PTPRN2: variants seen among roughly 807,000 people sequenced by gnomAD.
The protein encoded by PTPRN2 is receptor-type tyrosine-protein phosphatase N2.
In PTPRN2, 74 loss-of-function variants were observed where a neutral mutation model predicts 118.8. The ratio of observed to expected loss-of-function variants is 0.62; its 90% CI spans 0.52 to 0.76. The LOEUF (loss-of-function observed/expected upper bound fraction) is 0.76. PTPRN2 is among the 30% of genes least tolerant of loss of function. The pLI is 0.00. For synonymous variants in PTPRN2, 641 were observed against 608.0 expected (o/e 1.05, Z -0.80); for missense variants, 1,481 against 1,394.4 (o/e 1.06, Z -0.99).
chr7:157,765,853 T>TCATCCATC (rs142646247), intron 12 of PTPRN2, among the ~76,000 whole-genome samples: 32 of 128,984 alleles, frequency 2.5e-4, no homozygotes, highest in East Asian at 1.1e-3. Context: ...ACTCATCCAC[T>TCATCCATC]CATCCATCCA....
At chr7:158,165,903 G>A (rs957799294) in intron 6 of PTPRN2, among the ~76,000 whole-genome samples, 2 of 152,108 alleles carry the variant, frequency 1.3e-5, no homozygotes, top group Admixed American at 6.5e-5. Flanking sequence ...CAGTCACCTC[G>A]AGGCCGACAC....
chr7:158,361,633 C>G (rs1483826404), intron 2 of PTPRN2, among the ~76,000 whole-genome samples: 1 of 152,246 alleles, frequency 6.6e-6, no homozygotes, highest in Non-Finnish European at 1.5e-5. Flanking sequence ...GGAGCCAGCC[C>G]TGCCCTCAGG....
chr7:158,445,825 G>A (rs1817685421), intron 2 of PTPRN2, among the ~76,000 whole-genome samples: 1 of 152,254 alleles, frequency 6.6e-6, no homozygotes, highest in Non-Finnish European at 1.5e-5. Context: ...CCACAGAGCA[G>A]CAGACGCATC....
At chr7:157,679,389 T>A (rs1219190643) in intron 13 of PTPRN2, among the ~76,000 whole-genome samples, 1 of 152,166 alleles carries the variant, frequency 6.6e-6, no homozygotes, top group African/African-American at 2.4e-5. Context: ...GGCTGGATTA[T>A]CTGATGGGGT....
At chr7:158,308,038 C>T (rs1801424073) in intron 3 of PTPRN2, among the ~76,000 whole-genome samples, 1 of 152,194 alleles carries the variant, frequency 6.6e-6, no homozygotes, top group Admixed American at 6.5e-5. Context: ...CCTTGAACTT[C>T]TCAGCCCAGA....
At position 157,682,905 on chromosome 7, in the gene PTPRN2, C is replaced by G. The variant is rs374727856; in HGVS notation, c.1821G>C (p.Ala607=). The part of the protein sequence containing the change: ...KSKLKFLPPQ[A]EQEDSTKFIA... ...TGAACTTGGTGGAGTCTTCTTGCTC[C>G]GCCTGAGGAGGCAGGAACTTGAGTT... The change falls in exon 13 of 23, where the codon GCG becomes GCC. Residue 607 remains alanine (A), a synonymous_variant. Coordinates refer to ENST00000389418, the MANE Select transcript of PTPRN2 (RefSeq NM_002847.5). The G allele has an allele frequency of 3.1e-6, 5 of 1,613,870 alleles. No individual in the cohort carries two copies. Among genetic ancestry groups the G allele is most frequent in the Non-Finnish European group, 4.2e-6 (5 of 1,179,898 alleles).
chr7:157,616,824 A>AG (rs1039423827), intron 15 of PTPRN2: 44 of 152,006 alleles, frequency 2.9e-4, no homozygotes, highest in African/African-American at 1.0e-3. Context: ...TATTCCTCTT[A>AG]GGGGACTCTG....
intron 12 of PTPRN2, among the ~76,000 whole-genome samples, chr7:157,750,341 C>A (rs1179173191): frequency 6.6e-6 from 1 of 152,168 alleles, no homozygotes; most frequent in Non-Finnish European, 1.5e-5. Flanking sequence ...TTGGCTTCCC[C>A]CACGGCAATG....
intron 5 of PTPRN2, among the ~76,000 whole-genome samples, chr7:158,186,362 C>A (rs772401613): frequency 1.3e-5 from 2 of 151,960 alleles, no homozygotes; most frequent in Non-Finnish European, 2.9e-5. Flanking sequence ...AGTCTCCTGG[C>A]AGATTTCTCC....
intron 12 of PTPRN2, among the ~76,000 whole-genome samples, chr7:157,715,307 G>C (rs1798848822): frequency 6.6e-6 from 1 of 152,110 alleles, no homozygotes; most frequent in Non-Finnish European, 1.5e-5. Flanking sequence ...GCGGCCGCGG[G>C]AAACCCCTCA....
At position 157,874,909 on chromosome 7, in the gene PTPRN2, ACACT is replaced by A. The variant is rs1410206040; in HGVS notation, c.1788+23760_1788+23763del. ...GAGACACACTCGTGCACATACACAC[ACACT>A]CATGCACATACACAGAGAAACACTT... On this transcript the variant is annotated intron_variant, in intron 12 of 22. Transcript: ENST00000389418. The surrounding 1 kb of genome is among the most constrained non-coding windows in gnomAD (Gnocchi z 5.8). Among the ~76,000 whole-genome samples, 1 of 152,148 alleles carries A rather than the reference ACACT, an allele frequency of 6.6e-6. No homozygotes were observed. Among genetic ancestry groups the A allele is most frequent in the African/African-American group, 2.4e-5 (1 of 41,424 alleles).
At position 157,712,864 on chromosome 7, in the gene PTPRN2, C is replaced by T. The variant is rs191220543; in HGVS notation, c.1789-29927G>A. ...TGGGGCAGCCACAAGCCGAGGGACA[C>T]TGGGAGCTGTCAGGTGCTGGCAGAG... On this transcript the variant is annotated intron_variant, in intron 12 of 22. Coordinates refer to ENST00000389418, the MANE Select transcript of PTPRN2 (RefSeq NM_002847.5). 2.0e-3 allele frequency among the ~76,000 whole-genome samples: 306 copies of T among 152,080 alleles called. 8 individuals carry two copies. The highest frequency in any genetic ancestry group is 0.018 in the Admixed American group (270 of 15,282).
rs1252859650 is a variant in PTPRN2 at position 157,780,639 on chromosome 7, G to A, written c.1789-97702C>T. 2.0e-5 allele frequency among the ~76,000 whole-genome samples: 3 copies of A among 152,232 alleles called. No individual in the cohort carries two copies. The highest frequency in any genetic ancestry group is 7.2e-5 in the African/African-American group (3 of 41,462). ...AGGGACTGCCTTCCTCTGTGCCTCA[G>A]TTTCCCTGTTTGCACAATGGGGCTT... On this transcript the variant is annotated intron_variant, in intron 12 of 22. Coordinates refer to ENST00000389418, the MANE Select transcript of PTPRN2 (RefSeq NM_002847.5). This position sits in a 1 kb window ranked among gnomAD's most constrained non-coding sequence, Gnocchi z 4.5.
chr7:157,908,688 G>A (rs564568636), intron 11 of PTPRN2, among the ~76,000 whole-genome samples: 2 of 152,276 alleles, frequency 1.3e-5, no homozygotes, highest in African/African-American at 4.8e-5. Context: ...AATTGCAAAT[G>A]TCTTATTCTT....
At chr7:158,201,471 A>G (rs1651359815) in intron 4 of PTPRN2, among the ~76,000 whole-genome samples, 1 of 152,198 alleles carries the variant, frequency 6.6e-6, no homozygotes, top group African/African-American at 2.4e-5. Flanking sequence ...TCTAAAATAT[A>G]TTTCCTTGCA....
intron 12 of PTPRN2, among the ~76,000 whole-genome samples, chr7:157,725,672 G>GC (rs1563042799): frequency 0.016 from 1,812 of 112,172 alleles, 2 homozygotes; most frequent in Middle Eastern, 0.027. Flanking sequence ...ACAGAGGAGT[G>GC]AGCCAGACCC....
At chr7:157,724,545 G>A (rs897845251) in intron 12 of PTPRN2, among the ~76,000 whole-genome samples, 2 of 152,186 alleles carry the variant, frequency 1.3e-5, no homozygotes, top group African/African-American at 2.4e-5. Flanking sequence ...GGTGCAAGTC[G>A]AAATGTGCTA....
intron 2 of PTPRN2, among the ~76,000 whole-genome samples, chr7:158,459,697 C>T (rs1818827048): frequency 6.6e-6 from 1 of 152,198 alleles, no homozygotes. Flanking sequence ...TGGGCCCTGC[C>T]GTTTCTCCAT....
intron 11 of PTPRN2, among the ~76,000 whole-genome samples, chr7:158,080,994 G>C (rs906893506): frequency 6.6e-6 from 1 of 152,130 alleles, no homozygotes; most frequent in East Asian, 1.9e-4. Context: ...ATTTGTTCTC[G>C]GTCACTTGCA....
Sources: allele counts gnomAD v4.1 joint callset (sites outside exome capture counted in the v4.1 genomes callset), GRCh38; gene constraint gnomAD v4.1.1; non-coding constraint Gnocchi (gnomAD v3.1); transcripts MANE v1.5; gene names NCBI Gene and HGNC (gene_info 2026-07-23, HGNC 2026-07-21).